The following DYNC2LI1 variants were observed in gnomAD, a reference collection of about 807,000 sequenced individuals.
DYNC2LI1 encodes the protein cytoplasmic dynein 2 light intermediate chain 1.
In DYNC2LI1, 45 loss-of-function variants were observed where a neutral mutation model predicts 51.9. The ratio of observed to expected loss-of-function variants is 0.87; its 90% CI spans 0.68 to 1.11. The LOEUF is 1.11. Among genes scored for constraint, DYNC2LI1 ranks in the 50% most tolerant of loss-of-function variants. The probability of loss-of-function intolerance (pLI) is 0.00; values close to 1 mark genes in which losing one functional copy is unlikely to be tolerated. For synonymous variants in DYNC2LI1, 130 were observed against 137.8 expected (o/e 0.94, Z 0.40); for missense variants, 490 against 417.4 (o/e 1.17, Z -1.51).
the DYNC2LI1 span, among the ~76,000 whole-genome samples, chr2:43,825,968 A>C: frequency 6.7e-6 from 1 of 149,174 alleles, no homozygotes; most frequent in Non-Finnish European, 1.5e-5. Flanking sequence ...ATTCTCTAGC[A>C]CTAACGGTTT....
intron 2 of DYNC2LI1, 54 bp from the exon 3 acceptor site, chr2:43,783,466 A>C: frequency 2.3e-6 from 3 of 1,327,042 alleles, no homozygotes; most frequent in Non-Finnish European, 3.1e-6. Context: ...ACAATAATAC[A>C]ATTTTTACAT....
chr2:43,782,005 C>CTATGTGTGTGTGTGTG (rs1673309466), intron 2 of DYNC2LI1, among the ~76,000 whole-genome samples: 1 of 130,320 alleles, frequency 7.7e-6, no homozygotes, highest in African/African-American at 3.4e-5. Context: ...GTGTTTGTTT[C>CTATGTGTGTGTGTGTG]TGTCTATGTG....
At chr2:43,786,585 AGGTCAGGAGATCGAGACCATCCT>A (rs1160701231) in intron 3 of DYNC2LI1, among the ~76,000 whole-genome samples, 2 of 152,104 alleles carry the variant, frequency 1.3e-5, no homozygotes, top group Non-Finnish European at 2.9e-5. Flanking sequence ...GCGGATCACG[AGGTCAGGAGATCGAGACCATCCT>A]GGTCAGGAGA....
chr2:43,828,228 A>G, the DYNC2LI1 span: 21 of 1,432,836 alleles, frequency 1.5e-5, no homozygotes, highest in Non-Finnish European at 1.9e-5. Context: ...TCCAAGGGCC[A>G]CTTCCAGACT....
intron 5 of DYNC2LI1, among the ~76,000 whole-genome samples, chr2:43,790,350 A>G (rs1463162779): frequency 6.6e-6 from 1 of 152,046 alleles, no homozygotes; most frequent in Non-Finnish European, 1.5e-5. Flanking sequence ...AAGAAAAACA[A>G]TTTTTTTTAA....
the DYNC2LI1 span, chr2:43,823,047 AG>A: frequency 5.5e-6 from 8 of 1,454,818 alleles, no homozygotes; most frequent in East Asian, 2.5e-5. Context: ...AGGACCAGCT[AG>A]GGGGGTTCCC....
the DYNC2LI1 span, chr2:43,820,143 C>T: frequency 6.3e-7 from 1 of 1,586,644 alleles, no homozygotes; most frequent in Non-Finnish European, 8.6e-7. Context: ...CAAGGGCTAT[C>T]ATTTAAGAAA....
chr2:43,778,301 C>G (rs868265202), intron 2 of DYNC2LI1, among the ~76,000 whole-genome samples: 1 of 151,972 alleles, frequency 6.6e-6, no homozygotes, highest in Non-Finnish European at 1.5e-5. Flanking sequence ...TACAGGCATG[C>G]GCCACCACAC....
At chr2:43,788,481 A>G (rs561633287) in intron 4 of DYNC2LI1, among the ~76,000 whole-genome samples, 42 of 152,200 alleles carry the variant, frequency 2.8e-4, no homozygotes, top group Non-Finnish European at 5.3e-4. Flanking sequence ...TTAATTCCCT[A>G]GGAGTCCTAA....
Position 43,801,624 on chromosome 2 carries a change from C to T in DYNC2LI1, c.732-15C>T, listed in dbSNP as rs760184148. The T allele has an allele frequency of 1.3e-6, 2 of 1,595,340 alleles. No homozygotes were observed. The highest frequency in any genetic ancestry group is 2.3e-5 in the South Asian group (2 of 87,970). ...ATTGCTAAACTAATTTAGAATCTTTCTCTTCTCCACGTAGCAAATCAATAT... is the reference window on the plus strand; with the variant it reads ...ATTGCTAAACTAATTTAGAATCTTTTTCTTCTCCACGTAGCAAATCAATAT... On this transcript the variant is annotated splice_polypyrimidine_tract_variant and intron_variant, in intron 9 of 12. Transcript: ENST00000260605.
At chr2:43,815,122 A>G in the DYNC2LI1 span, among the ~76,000 whole-genome samples, 3 of 152,198 alleles carry the variant, frequency 2.0e-5, no homozygotes, top group African/African-American at 7.2e-5. Flanking sequence ...TGAAGGTACC[A>G]ACGTAGAAAG....
chr2:43,791,933 A>G (rs956838633), intron 5 of DYNC2LI1, among the ~76,000 whole-genome samples: 1 of 152,224 alleles, frequency 6.6e-6, no homozygotes, highest in African/African-American at 2.4e-5. Flanking sequence ...TATTTCTAAT[A>G]TACTGTAAAC....
chr2:43,814,959 G>A (rs1381238243), downstream of DYNC2LI1, among the ~76,000 whole-genome samples: 1 of 152,148 alleles, frequency 6.6e-6, no homozygotes, highest in Non-Finnish European at 1.5e-5. Flanking sequence ...CAGCTTGGTG[G>A]CCTGTTATAG....
chr2:43,828,213 A>G, the DYNC2LI1 span: 2 of 1,558,600 alleles, frequency 1.3e-6, no homozygotes, highest in African/African-American at 1.3e-5. Flanking sequence ...CACACCGCCC[A>G]AGAATCCAAG....
At chr2:43,796,386 C>T (rs1426500060) in intron 7 of DYNC2LI1, among the ~76,000 whole-genome samples, 1 of 151,492 alleles carries the variant, frequency 6.6e-6, no homozygotes, top group Non-Finnish European at 1.5e-5. Flanking sequence ...TGACTTACTT[C>T]CCAACTTTTA....
chr2:43,808,608 CTAAAA>C (rs1401763351), intron 12 of DYNC2LI1, among the ~76,000 whole-genome samples: 1 of 152,090 alleles, frequency 6.6e-6, no homozygotes, highest in Non-Finnish European at 1.5e-5. Context: ...GCCACCTCCA[CTAAAA>C]TTTATTTATG....
the DYNC2LI1 span, among the ~76,000 whole-genome samples, chr2:43,825,212 C>T: frequency 6.6e-6 from 1 of 152,112 alleles, no homozygotes; most frequent in Non-Finnish European, 1.5e-5. Flanking sequence ...TGGAGACATT[C>T]GAAATGCATC....
chr2:43,824,330 T>C, the DYNC2LI1 span: 1 of 1,614,222 alleles, frequency 6.2e-7, no homozygotes, highest in Non-Finnish European at 8.5e-7. Flanking sequence ...CAAAGTTTTA[T>C]GACAAATTGC....
At chr2:43,789,843 C>A in intron 5 of DYNC2LI1, 122 bp downstream of exon 5, 2 of 708,370 alleles carry the variant, frequency 2.8e-6, no homozygotes, top group South Asian at 2.5e-5. Context: ...GGCTTATGCC[C>A]ACTTCCTTTC....
Sources: allele counts gnomAD v4.1 joint callset (sites outside exome capture counted in the v4.1 genomes callset), GRCh38; gene constraint gnomAD v4.1.1; transcripts MANE v1.5; gene names NCBI Gene and HGNC (gene_info 2026-07-23, HGNC 2026-07-21).